The following BTRC variants were observed in gnomAD, a reference collection of about 807,000 sequenced individuals.
The protein encoded by BTRC is beta-transducin repeat containing E3 ubiquitin protein ligase.
In BTRC, 42 loss-of-function variants were observed where a neutral mutation model predicts 85.5. The ratio of observed to expected loss-of-function variants is 0.49; its 90% CI spans 0.38 to 0.64. The LOEUF is 0.64. Among genes scored for constraint, BTRC ranks in the 30% least tolerant of loss-of-function variants. The probability of loss-of-function intolerance (pLI) is 0.00; values close to 1 mark genes in which losing one functional copy is unlikely to be tolerated. For synonymous variants in BTRC, 255 were observed against 263.3 expected, an observed-to-expected ratio of 0.97 and a Z score of 0.30; for missense variants, 594 against 743.5, an observed-to-expected ratio of 0.80 and a Z score of 2.34.
chr10:101,387,528 C>CTTTTTTTTGTTTTTTTTT (rs1943111551), intron 1 of BTRC, among the ~76,000 whole-genome samples: 1 of 45,122 alleles, frequency 2.2e-5, no homozygotes, highest in Non-Finnish European at 3.4e-5. Flanking sequence ...CTTCATGGGA[C>CTTTTTTTTGTTTTTTTTT]TTTTTTTTTT....
At chr10:101,372,028 A>G (rs369824717) in intron 1 of BTRC, among the ~76,000 whole-genome samples, 1 of 152,034 alleles carries the variant, frequency 6.6e-6, no homozygotes, top group East Asian at 1.9e-4. Context: ...TTCTTTTTCT[A>G]TTGCAGGGTC....
chr10:101,515,830 TTC>T (rs1332399716), intron 4 of BTRC, among the ~76,000 whole-genome samples: 5 of 152,326 alleles, frequency 3.3e-5, no homozygotes, highest in African/African-American at 1.2e-4. Context: ...TCAAATTTAT[TTC>T]TGAGAATTTT....
Position 101,526,230 on chromosome 10 carries a change from G to A in BTRC, c.743+31G>A, listed in dbSNP as rs745696423. 31 of 1,592,236 alleles carry A rather than the reference G, an allele frequency of 1.9e-5. No individual in the cohort carries two copies. The African/African-American group carries it at 2.1e-4, about 11-fold the overall frequency. On this transcript the variant is annotated intron_variant, in intron 6 of 14. Coordinates refer to ENST00000370187, the MANE Select transcript of BTRC (RefSeq NM_033637.4). ...CCTTTAACTTTTCTTACTCTTATAC[G>A]GCTTCAGGACCTGGCCATTCACAGT...
chr10:101,360,046 A>C lies in BTRC; in HGVS notation c.48+5818A>C, dbSNP rs185892438. ...ATTAGAAAATAAACTTTCAAAAGAG[A>C]TCTCTTTTTTTTAAAAAAACTTAAT... is the stretch of plus-strand genomic sequence containing the variant. On this transcript the variant is annotated intron_variant, in intron 1 of 14. Coordinates refer to ENST00000370187, the MANE Select transcript of BTRC (RefSeq NM_033637.4). 2.8e-4 allele frequency among the ~76,000 whole-genome samples: 40 copies of C among 144,008 alleles called. No individual in the cohort carries two copies. The East Asian group carries it at 6.9e-3, about 25-fold the overall frequency. 94.5% of individuals were successfully genotyped at this position (144,008 alleles called of 152,430 possible).
intron 1 of BTRC, among the ~76,000 whole-genome samples, chr10:101,424,271 C>G (rs1457312994): frequency 2.0e-5 from 3 of 152,098 alleles, no homozygotes; most frequent in African/African-American, 7.2e-5. Context: ...AGTTTTACCA[C>G]AACCTTGTGC....
intron 4 of BTRC, among the ~76,000 whole-genome samples, chr10:101,507,366 G>C (rs1057335084): frequency 1.3e-5 from 2 of 152,190 alleles, no homozygotes; most frequent in Non-Finnish European, 2.9e-5. Flanking sequence ...AATTTGCCAG[G>C]GGGTGAAGTT....
intron 4 of BTRC, among the ~76,000 whole-genome samples, chr10:101,482,075 G>A (rs917677687): frequency 5.3e-5 from 8 of 152,018 alleles, no homozygotes; most frequent in Middle Eastern, 3.2e-3. Context: ...GCTGGAGTGC[G>A]GTGGTGCCAT....
At position 101,368,464 on chromosome 10, in the gene BTRC, C is replaced by CTTTTTTTTT. The variant is rs60190021; in HGVS notation, c.48+14260_48+14268dup. Among the ~76,000 whole-genome samples, 37 of 75,342 alleles carry CTTTTTTTTT rather than the reference C, an allele frequency of 4.9e-4. 1 individual carries two copies. Among genetic ancestry groups the CTTTTTTTTT allele is most frequent in the African/African-American group, 2.4e-3 (37 of 15,604 alleles). 49.4% of individuals were successfully genotyped at this position (75,342 alleles called of 152,430 possible). On this transcript the variant is annotated intron_variant, in intron 1 of 14. Transcript: ENST00000370187. The stretch of plus-strand genomic sequence containing the variant: ...TAGTAGAACCTATGCAACTGTTTTT[C>CTTTTTTTTT]TTTTTTTTTTTTTTTTTTTTTTTTT...
At chr10:101,538,164 G>T in intron 12 of BTRC, 129 bp from the exon 13 acceptor site, 1 of 763,916 alleles carries the variant, frequency 1.3e-6, no homozygotes, top group Non-Finnish European at 2.3e-6. Flanking sequence ...TTTCTCATTT[G>T]TAGGTTAATC....
intron 1 of BTRC, among the ~76,000 whole-genome samples, chr10:101,394,212 AT>A (rs1351905947): frequency 1.4e-4 from 21 of 152,310 alleles, no homozygotes; most frequent in Non-Finnish European, 2.5e-4. Flanking sequence ...ATGATAATGT[AT>A]TCTTTCAATT....
chr10:101,467,453 A>G lies in BTRC; in HGVS notation c.234+5395A>G, dbSNP rs546360405. Among the ~76,000 whole-genome samples, 246 of 151,826 alleles carry G rather than the reference A, an allele frequency of 1.6e-3. 2 individuals carry two copies. The highest frequency in any genetic ancestry group is 5.4e-3 in the African/African-American group (223 of 41,376). On this transcript the variant is annotated intron_variant, in intron 3 of 14. Coordinates refer to ENST00000370187, the MANE Select transcript of BTRC (RefSeq NM_033637.4). ...AATTGCTCGAGAAAACCCATTCCCT[A>G]TCTGCCGTTGCTTTGTGTTAAGACA...
intron 10 of BTRC, 151 bp from the exon 11 acceptor site, chr10:101,535,203 C>T: frequency 1.3e-6 from 1 of 745,360 alleles, no homozygotes; most frequent in Non-Finnish European, 2.3e-6. Context: ...CCTCTGTTAC[C>T]ATGAATTTAA....
intron 1 of BTRC, among the ~76,000 whole-genome samples, chr10:101,428,270 G>GT (rs1386968669): frequency 6.6e-6 from 1 of 152,160 alleles, no homozygotes; most frequent in Admixed American, 6.5e-5. Context: ...GAGAAGGTGA[G>GT]TTGATGTTGG....
chr10:101,550,959 A>G (rs2062640564), intron 14 of BTRC, 68 bp downstream of exon 14: 2 of 1,394,672 alleles, frequency 1.4e-6, no homozygotes, highest in Non-Finnish European at 1.9e-6. Context: ...AGGTGTTGCT[A>G]GTTCATGGAA....
At chr10:101,398,486 G>A (rs1316438124) in intron 1 of BTRC, among the ~76,000 whole-genome samples, 1 of 151,994 alleles carries the variant, frequency 6.6e-6, no homozygotes, top group East Asian at 1.9e-4. Context: ...GTATTTTTTA[G>A]TAGAGACTGG....
intron 4 of BTRC, among the ~76,000 whole-genome samples, chr10:101,502,782 A>G (rs746365975): frequency 8.5e-5 from 13 of 152,218 alleles, no homozygotes; most frequent in Non-Finnish European, 1.2e-4. Flanking sequence ...CTGCTGTTAT[A>G]TAGATACTGA....
chr10:101,528,120 A>G (rs2062226802), intron 6 of BTRC, among the ~76,000 whole-genome samples: 1 of 152,214 alleles, frequency 6.6e-6, no homozygotes, highest in Admixed American at 6.5e-5. Flanking sequence ...CTGAAATTTC[A>G]GTTAAGGAGA....
At chr10:101,377,983 G>A (rs2133953736) in intron 1 of BTRC, among the ~76,000 whole-genome samples, 1 of 151,964 alleles carries the variant, frequency 6.6e-6, no homozygotes, top group East Asian at 1.9e-4. Context: ...TTTTTTTAAA[G>A]CAGAAATAAG....
At chr10:101,532,237 A>T in intron 7 of BTRC, 58 bp from the exon 8 acceptor site, 1 of 1,542,412 alleles carries the variant, frequency 6.5e-7, no homozygotes, top group Non-Finnish European at 8.8e-7. Flanking sequence ...TAAAGCCTAA[A>T]AAGAGTTTGA....
Sources: gnomAD v4.1 joint callset for allele counts (sites outside exome capture counted in the v4.1 genomes callset) on GRCh38, gnomAD v4.1.1 for gene constraint, MANE v1.5 for transcripts, NCBI Gene and HGNC (gene_info 2026-07-23, HGNC 2026-07-21) for gene names.